Variants in MAMLD1 observed in about 807,000 individuals in gnomAD.
MAMLD1 encodes mastermind like domain containing 1.
MAMLD1 carries 14 observed loss-of-function variants against 45.0 expected under a neutral mutation model. The observed-to-expected ratio is 0.31, with a 90% CI of 0.21 to 0.49. The LOEUF (loss-of-function observed/expected upper bound fraction) is 0.49. Ranked by LOEUF, MAMLD1 falls within the 20% of genes least tolerant of loss-of-function variation. The pLI, the probability that MAMLD1 is intolerant of heterozygous loss-of-function variation, is 0.99. For synonymous variants in MAMLD1, 254 were observed against 247.8 expected, an observed-to-expected ratio of 1.02 and a Z score of -0.24; for missense variants, 543 against 603.6, an observed-to-expected ratio of 0.90 and a Z score of 1.05.
At chrX:150,377,958 T>A (rs1475461091) in intron 1 of MAMLD1, among the ~76,000 whole-genome samples, 2 of 111,618 alleles carry the variant, frequency 1.8e-5, no homozygotes, top group African/African-American at 6.5e-5. Context: ...AACGTTCTCC[T>A]GCATAAGCAC....
chrX:150,424,083 C>G (rs1262598030), intron 1 of MAMLD1, among the ~76,000 whole-genome samples: 1 of 112,391 alleles, frequency 8.9e-6, no homozygotes, highest in Non-Finnish European at 1.9e-5. Flanking sequence ...TTCCAGAAAA[C>G]TCTGTTCTCT....
chrX:150,504,526 A>G lies in MAMLD1; in HGVS notation c.2284+1009A>G, dbSNP rs193055087. 2.1e-3 allele frequency: 1,144 copies of G among 556,645 alleles called. 7 individuals are homozygous for G. In the African/African-American group the frequency reaches 0.027, roughly 13 times the overall value. 45.9% of individuals were successfully genotyped at this position (556,645 alleles called of 1,213,427 possible). ...CTCTCTCAGAGTCACAGAGCTCCTC[A>G]GCTGTTCACTCTTCAGCTGAAACCA... On this transcript the variant is annotated intron_variant, in intron 6 of 7. Coordinates refer to ENST00000370401, the MANE Select transcript of MAMLD1 (RefSeq NM_005491.5).
chrX:150,471,590 A>C (rs991900246), intron 4 of MAMLD1, 100 bp downstream of exon 4: 239 of 1,151,828 alleles, frequency 2.1e-4, no homozygotes, highest in Non-Finnish European at 2.6e-4. Context: ...TCCAGGCTAT[A>C]GTTCTCTCTG....
intron 3 of MAMLD1, among the ~76,000 whole-genome samples, chrX:150,464,040 A>G (rs782784803): frequency 3.0e-4 from 34 of 112,251 alleles, no homozygotes; most frequent in Middle Eastern, 4.6e-3. Context: ...AGTACAATGG[A>G]ACCTTTCACT....
At chrX:150,481,319 G>C (rs1016249247) in intron 5 of MAMLD1, among the ~76,000 whole-genome samples, 3 of 112,511 alleles carry the variant, frequency 2.7e-5, no homozygotes, top group African/African-American at 9.7e-5. Context: ...CCAAAATGTT[G>C]ACACCCATTG....
chrX:150,471,051 A>T lies in MAMLD1; in HGVS notation c.1478A>T (p.Gln493Leu), dbSNP rs1557406464. The change falls in exon 4 of 8, where the codon CAA becomes CTA. Residue 493 changes from glutamine (Q) to leucine (L), a missense_variant. Transcript: ENST00000370401. ...CCCACCAGTAATCTTCTAAGCCAGC[A>T]ACAGCAGCAGCAGCAGCAGCAGCAG... is the stretch of plus-strand genomic sequence containing the variant. ...LTPTSNLLSQQQQQQQQQQQA... is the reference protein window; with the variant it reads ...LTPTSNLLSQLQQQQQQQQQA... 8.3e-7 allele frequency: 1 copy of T among 1,211,915 alleles called. No individual in the cohort carries two copies.
intron 1 of MAMLD1, among the ~76,000 whole-genome samples, chrX:150,373,122 G>A (rs2032109597): frequency 8.9e-6 from 1 of 111,789 alleles, no homozygotes; most frequent in South Asian, 3.8e-4. Context: ...TGAAGTTAAT[G>A]GGGATTCTCC....
intron 2 of MAMLD1, among the ~76,000 whole-genome samples, chrX:150,449,699 C>A (rs1221550597): frequency 1.8e-5 from 2 of 111,416 alleles, no homozygotes; most frequent in African/African-American, 6.5e-5. Context: ...CTGTCTATCT[C>A]TGGCCTCCTG....
intron 2 of MAMLD1, among the ~76,000 whole-genome samples, chrX:150,445,837 C>A (rs781911930): frequency 1.5e-4 from 17 of 111,248 alleles, no homozygotes; most frequent in African/African-American, 4.9e-4. Context: ...TCCATATAGC[C>A]TCCCAGTCTA....
intron 2 of MAMLD1, among the ~76,000 whole-genome samples, chrX:150,454,311 C>G (rs1408828960): frequency 1.8e-5 from 2 of 112,058 alleles, no homozygotes; most frequent in African/African-American, 6.5e-5. Flanking sequence ...CCTCAAACAC[C>G]AACTCCCAAC....
At chrX:150,398,323 GAAGAAGAAGAAGAAGAAGA>G (rs2033574108) in intron 1 of MAMLD1, among the ~76,000 whole-genome samples, 10 of 91,213 alleles carry the variant, frequency 1.1e-4, no homozygotes, top group South Asian at 9.6e-4. Context: ...AGAAGAAGAA[GAAGAAGAAGAAGAAGAAGA>G]GGAAGAGGAA....
chrX:150,479,378 A>AT (rs1199592877), intron 5 of MAMLD1, among the ~76,000 whole-genome samples: 1 of 111,590 alleles, frequency 9.0e-6, no homozygotes, highest in Non-Finnish European at 1.9e-5. Flanking sequence ...AATAGATACA[A>AT]TTTTTTTCAT....
chrX:150,507,478 A>G, intron 6 of MAMLD1, among the ~76,000 whole-genome samples: 1 of 111,941 alleles, frequency 8.9e-6, no homozygotes, highest in East Asian at 2.8e-4. Flanking sequence ...GGACAGCAGG[A>G]CCAGCATAGG....
At chrX:150,507,599 G>A (rs1337848168) in intron 6 of MAMLD1, among the ~76,000 whole-genome samples, 1 of 112,093 alleles carries the variant, frequency 8.9e-6, no homozygotes, top group African/African-American at 3.2e-5. Flanking sequence ...GCTGGCCACC[G>A]GCACCCAGGC....
intron 1 of MAMLD1, among the ~76,000 whole-genome samples, chrX:150,391,390 C>G (rs1198738217): frequency 9.1e-6 from 1 of 110,059 alleles, no homozygotes; most frequent in African/African-American, 3.3e-5. Flanking sequence ...GTTTTGTTTT[C>G]TTTAGATTAC....
chrX:150,442,092 A>T (rs1297485771), intron 1 of MAMLD1, among the ~76,000 whole-genome samples: 1 of 106,105 alleles, frequency 9.4e-6, no homozygotes, highest in Non-Finnish European at 1.9e-5. Context: ...ATCTAATATC[A>T]CTAGAGCCAC....
At chrX:150,473,532 T>G (rs1011378637) in intron 4 of MAMLD1, 148 bp from the exon 5 acceptor site, 2 of 555,576 alleles carry the variant, frequency 3.6e-6, no homozygotes, top group Non-Finnish European at 6.4e-6. Context: ...AGTTGGTCGT[T>G]TGATAGACCA....
At chrX:150,368,736 G>C (rs1170370681) in intron 1 of MAMLD1, among the ~76,000 whole-genome samples, 1 of 111,947 alleles carries the variant, frequency 8.9e-6, no homozygotes, top group African/African-American at 3.2e-5. Context: ...ATTAATTTTT[G>C]TATAAGGTAT....
chrX:150,495,316 C>T (rs782424801), intron 5 of MAMLD1, among the ~76,000 whole-genome samples: 2 of 108,553 alleles, frequency 1.8e-5, no homozygotes, highest in Admixed American at 2.1e-4. Flanking sequence ...TAGATGAAGG[C>T]TTTCAGAAGA....
Sources: allele counts gnomAD v4.1 joint callset (sites outside exome capture counted in the v4.1 genomes callset), GRCh38; gene constraint gnomAD v4.1.1; transcripts MANE v1.5; gene names NCBI Gene and HGNC (gene_info 2026-07-23, HGNC 2026-07-21).